The following NSUN6 variants were observed in gnomAD, a reference collection of about 807,000 sequenced individuals.
The protein encoded by NSUN6 is NOP2/Sun RNA methyltransferase 6.
A neutral mutation model predicts 58.0 loss-of-function variants in NSUN6; 64 were observed. That is an observed-to-expected ratio of 1.10 (90% CI 0.90 to 1.36). The LOEUF is 1.36. Ranked by LOEUF, NSUN6 falls within the 40% of genes most tolerant of loss-of-function variation. NSUN6 has a pLI of 0.00. For missense variants in NSUN6, 701 were observed against 550.1 expected, an observed-to-expected ratio of 1.27 and a Z score of -2.74; for synonymous variants, 231 against 193.9, an observed-to-expected ratio of 1.19 and a Z score of -1.59.
At chr10:18,607,179 T>C (rs868106252) in intron 6 of NSUN6, among the ~76,000 whole-genome samples, 10 of 152,366 alleles carry the variant, frequency 6.6e-5, no homozygotes, top group Middle Eastern at 6.8e-3. Context: ...ATCCACTTTA[T>C]AGTCACTTAA....
At chr10:18,611,300 G>C (rs1211892747) in intron 5 of NSUN6, among the ~76,000 whole-genome samples, 2 of 152,142 alleles carry the variant, frequency 1.3e-5, no homozygotes, top group Non-Finnish European at 2.9e-5. Flanking sequence ...CAAAGATAAA[G>C]TCTTAGAAGC....
intron 8 of NSUN6, among the ~76,000 whole-genome samples, chr10:18,564,128 T>C (rs966030350): frequency 1.3e-5 from 2 of 151,104 alleles, no homozygotes; most frequent in Admixed American, 6.6e-5. Context: ...TTATATTCCA[T>C]CCCATTTCCC....
In NSUN6 at chr10:18,621,190, G is replaced by C. The variant is rs896667174; in HGVS notation, c.312-4897C>G. Among the ~76,000 whole-genome samples, 3 of 152,310 alleles carry C rather than the reference G, an allele frequency of 2.0e-5. No individual in the cohort carries two copies. The East Asian group carries it at 5.8e-4, about 29-fold the overall frequency. ...TGTACCAGGCAGTGGGAATCTACAT[G>C]ATGAGCCCTGAATAGGAATCCTGGC... On this transcript the variant is annotated intron_variant, in intron 3 of 10. Transcript: ENST00000377304.
chr10:18,634,771 A>AC, intron 3 of NSUN6, among the ~76,000 whole-genome samples: 1 of 151,508 alleles, frequency 6.6e-6, no homozygotes, highest in South Asian at 2.1e-4. Flanking sequence ...AAACAAACAA[A>AC]ACAAAACAAA....
At chr10:18,622,440 A>G (rs1346917796) in intron 3 of NSUN6, among the ~76,000 whole-genome samples, 1 of 152,200 alleles carries the variant, frequency 6.6e-6, no homozygotes, top group Non-Finnish European at 1.5e-5. Context: ...TCAGCTGCGC[A>G]CAGTGGCTCA....
At chr10:18,550,260 A>C (rs1468808961) in intron 9 of NSUN6, among the ~76,000 whole-genome samples, 1 of 152,198 alleles carries the variant, frequency 6.6e-6, no homozygotes, top group East Asian at 1.9e-4. Flanking sequence ...CTGTAACTAA[A>C]GTTTCCTTTT....
chr10:18,628,383 C>T (rs919903919), intron 3 of NSUN6, among the ~76,000 whole-genome samples: 1 of 152,152 alleles, frequency 6.6e-6, no homozygotes, highest in African/African-American at 2.4e-5. Context: ...TCCTCACCAG[C>T]AATGGAACAA....
At chr10:18,598,238 C>T (rs564164122) in intron 6 of NSUN6, among the ~76,000 whole-genome samples, 48 of 152,250 alleles carry the variant, frequency 3.2e-4, no homozygotes, top group Non-Finnish European at 6.0e-4. Context: ...CTAACTCCAC[C>T]GCCTATCCCA....
chr10:18,585,091 T>C (rs1341588323), intron 8 of NSUN6, among the ~76,000 whole-genome samples: 8 of 149,506 alleles, frequency 5.4e-5, no homozygotes, highest in Admixed American at 1.3e-4. Context: ...ATCAGGAAAA[T>C]GCAAATCAAA....
intron 8 of NSUN6, among the ~76,000 whole-genome samples, chr10:18,581,454 A>G (rs1253743241): frequency 6.6e-6 from 1 of 152,166 alleles, no homozygotes; most frequent in African/African-American, 2.4e-5. Flanking sequence ...GCATCAGGAA[A>G]TTAACCTATA....
intron 1 of NSUN6, among the ~76,000 whole-genome samples, chr10:18,650,147 C>CA (rs576771919): frequency 3.3e-5 from 5 of 152,006 alleles, no homozygotes; most frequent in Middle Eastern, 3.4e-3. Context: ...CAATTGCAAA[C>CA]AAAATTAACA....
At chr10:18,651,684 C>G, upstream of NSUN6, 3 of 985,974 alleles carry the variant, frequency 3.0e-6, no homozygotes, top group Non-Finnish European at 1.2e-6. Flanking sequence ...TTCCGGTCCC[C>G]CAATCCACAG....
chr10:18,553,744 G>T (rs2054775215), intron 8 of NSUN6, among the ~76,000 whole-genome samples: 2 of 151,082 alleles, frequency 1.3e-5, no homozygotes, highest in Non-Finnish European at 3.0e-5. Flanking sequence ...GAATGGAATA[G>T]AATGCTGAAT....
At position 18,556,458 on chromosome 10, in the gene NSUN6, G is replaced by T. The variant is rs542606996; in HGVS notation, c.923-4487C>A. Among the ~76,000 whole-genome samples the T allele has an allele frequency of 2.0e-5, 3 of 150,662 alleles. No individual in the cohort carries two copies. In the South Asian group the frequency reaches 6.3e-4, roughly 32 times the overall value. On this transcript the variant is annotated intron_variant, in intron 8 of 10. Coordinates refer to ENST00000377304, the MANE Select transcript of NSUN6 (RefSeq NM_182543.5). ...AATGGAATGGAATGCAGAATGGGAT[G>T]AAATGGAGAATGGAATGGAATGGAA...
intron 5 of NSUN6, among the ~76,000 whole-genome samples, chr10:18,613,009 T>C (rs903916144): frequency 2.0e-5 from 3 of 152,208 alleles, no homozygotes; most frequent in African/African-American, 2.4e-5. Flanking sequence ...AGGGTGTACA[T>C]GTAGCATTTC....
chr10:18,646,126 C>T (rs376171855), intron 2 of NSUN6, among the ~76,000 whole-genome samples: 135 of 152,164 alleles, frequency 8.9e-4, no homozygotes, highest in African/African-American at 2.8e-3. Flanking sequence ...ACCTGGGAGG[C>T]AGAGGTTGCA....
intron 2 of NSUN6, 58 bp downstream of exon 2, chr10:18,648,432 A>G: frequency 8.9e-7 from 1 of 1,128,750 alleles, no homozygotes; most frequent in South Asian, 1.4e-5. Flanking sequence ...TTTTAATGGA[A>G]AACATGGTAG....
chr10:18,645,498 C>T (rs1354052587), intron 2 of NSUN6, among the ~76,000 whole-genome samples: 7 of 152,124 alleles, frequency 4.6e-5, no homozygotes, highest in African/African-American at 1.2e-4. Context: ...ACGTAGCATC[C>T]GTGTCTACCT....
chr10:18,549,299 T>C (rs576678421), intron 9 of NSUN6, among the ~76,000 whole-genome samples: 1 of 152,310 alleles, frequency 6.6e-6, no homozygotes, highest in South Asian at 2.1e-4. Flanking sequence ...ACTGGCCTCC[T>C]GCTGTTTCTG....
Sources: gnomAD v4.1 joint callset for allele counts (sites outside exome capture counted in the v4.1 genomes callset) on GRCh38, gnomAD v4.1.1 for gene constraint, MANE v1.5 for transcripts, NCBI Gene and HGNC (gene_info 2026-07-23, HGNC 2026-07-21) for gene names.